The following RYR2 variants were observed in gnomAD, a reference collection of about 807,000 sequenced individuals.
RYR2 encodes the protein cardiac muscle ryanodine receptor-calcium release channel.
A neutral mutation model predicts 601.1 loss-of-function variants in RYR2; 227 were observed. The observed-to-expected ratio is 0.38, with a 90% CI of 0.34 to 0.42. The LOEUF is 0.42. Among genes scored for constraint, RYR2 ranks in the 10% least tolerant of loss-of-function variants. The pLI is 1.00. For missense variants in RYR2, 4,646 were observed against 6,156.5 expected (o/e 0.75, Z 8.21); for synonymous variants, 2,223 against 2,175.1 (o/e 1.02, Z -0.61).
At chr1:237,488,058 A>T (rs537975353) in intron 17 of RYR2, among the ~76,000 whole-genome samples, 1 of 152,144 alleles carries the variant, frequency 6.6e-6, no homozygotes, top group Non-Finnish European at 1.5e-5. Context: ...TACGCTATTT[A>T]CTTCCAAAAT....
At chr1:237,240,800 C>T (rs548687463) in intron 1 of RYR2, among the ~76,000 whole-genome samples, 27 of 151,290 alleles carry the variant, frequency 1.8e-4, no homozygotes, top group Admixed American at 6.6e-4. Context: ...GTACTTTCTT[C>T]CCTTAAATTA....
intron 25 of RYR2, among the ~76,000 whole-genome samples, chr1:237,538,783 T>A (rs12750088): frequency 3.3e-5 from 5 of 151,224 alleles, no homozygotes; most frequent in South Asian, 2.1e-4. Flanking sequence ...TAAAAAAAAT[T>A]AAAAAAAAAT....
intron 34 of RYR2, among the ~76,000 whole-genome samples, chr1:237,598,815 C>T (rs1419518313): frequency 1.3e-5 from 2 of 152,002 alleles, no homozygotes; most frequent in African/African-American, 2.4e-5. Flanking sequence ...GGAACAATAA[C>T]GAAACAGAGA....
intron 57 of RYR2, among the ~76,000 whole-genome samples, chr1:237,666,897 G>A (rs760269037): frequency 1.4e-4 from 21 of 151,664 alleles, no homozygotes; most frequent in Non-Finnish European, 2.8e-4. Context: ...GTGACAGAGT[G>A]AGACTCCCTC....
intron 2 of RYR2, among the ~76,000 whole-genome samples, chr1:237,298,078 C>T (rs572841473): frequency 6.6e-6 from 1 of 152,058 alleles, no homozygotes; most frequent in South Asian, 2.1e-4. Flanking sequence ...AAAAATATTA[C>T]AATGATGCTA....
chr1:237,296,269 G>A (rs1384973921), intron 2 of RYR2, among the ~76,000 whole-genome samples: 2 of 152,184 alleles, frequency 1.3e-5, no homozygotes, highest in African/African-American at 4.8e-5. Flanking sequence ...TTGAAAGCTA[G>A]AACAAGAAGT....
rs1050131660 is a variant in RYR2 at position 237,681,834 on chromosome 1, G to A, written c.9017+1257G>A. Among the ~76,000 whole-genome samples the A allele has an allele frequency of 3.9e-5, 6 of 152,226 alleles. No individual in the cohort carries two copies. The East Asian group carries it at 9.7e-4, about 25-fold the overall frequency. ...ATCCCCCTGTGGATTGTGAGTGCAC[G>A]CAAGTAGCTAGAATATCTCAAGGCA... On this transcript the variant is annotated intron_variant, in intron 62 of 104. Coordinates refer to ENST00000366574, the MANE Select transcript of RYR2 (RefSeq NM_001035.3).
At chr1:237,800,187 C>G (rs1281968135) in intron 97 of RYR2, 1 of 152,130 alleles carries the variant, frequency 6.6e-6, no homozygotes, top group Admixed American at 6.5e-5. Flanking sequence ...TAAGAAACCA[C>G]CATAGGAAAT....
intron 21 of RYR2, among the ~76,000 whole-genome samples, chr1:237,502,873 C>G (rs1664814410): frequency 6.6e-6 from 1 of 151,588 alleles, no homozygotes; most frequent in Non-Finnish European, 1.5e-5. Context: ...GGTTTTTCCC[C>G]TCATTCCTTG....
chr1:237,301,350 ATTGT>A (rs1042734874), intron 2 of RYR2, among the ~76,000 whole-genome samples: 8 of 152,164 alleles, frequency 5.3e-5, no homozygotes, highest in Non-Finnish European at 8.8e-5. Flanking sequence ...GGTTATAAAT[ATTGT>A]TTGTCTTTTT....
At chr1:237,423,376 C>T (rs1705789477) in intron 12 of RYR2, 128 bp downstream of exon 12, 2 of 1,145,308 alleles carry the variant, frequency 1.7e-6, no homozygotes, top group South Asian at 1.6e-5. Context: ...TCTAAATTCC[C>T]AGTTTCTCTT....
intron 1 of RYR2, among the ~76,000 whole-genome samples, chr1:237,044,785 C>G: frequency 6.7e-6 from 1 of 148,604 alleles, no homozygotes; most frequent in Non-Finnish European, 1.5e-5. Flanking sequence ...CCCCACCCCC[C>G]TTTTTTTTCT....
At chr1:237,552,556 A>G (rs1187071419) in intron 27 of RYR2, among the ~76,000 whole-genome samples, 1 of 152,068 alleles carries the variant, frequency 6.6e-6, no homozygotes, top group Non-Finnish European at 1.5e-5. Context: ...ACCACTTTGT[A>G]AGTTCTATCA....
chr1:237,565,840 C>T (rs1160833984), intron 27 of RYR2, among the ~76,000 whole-genome samples: 4 of 152,280 alleles, frequency 2.6e-5, no homozygotes, highest in South Asian at 4.1e-4. Context: ...TTCCCCCTCT[C>T]GTCTCTCTCA....
chr1:237,053,328 A>G (rs796396759), intron 1 of RYR2, among the ~76,000 whole-genome samples: 8 of 152,334 alleles, frequency 5.3e-5, no homozygotes, highest in Non-Finnish European at 8.8e-5. Flanking sequence ...AAAAGCTGAG[A>G]TGAAACGTTT....
At chr1:237,222,197 G>A (rs1022144229) in intron 1 of RYR2, among the ~76,000 whole-genome samples, 26 of 151,974 alleles carry the variant, frequency 1.7e-4, no homozygotes, top group Non-Finnish European at 2.6e-4. Flanking sequence ...GGCGGATCAC[G>A]AGGTCAGGAG....
intron 35 of RYR2, 81 bp downstream of exon 35, chr1:237,602,192 T>C: frequency 9.6e-7 from 1 of 1,044,850 alleles, no homozygotes; most frequent in Non-Finnish European, 1.4e-6. Context: ...ATGAATTCAG[T>C]ATATTAGTAC....
intron 10 of RYR2, among the ~76,000 whole-genome samples, chr1:237,392,836 G>T (rs1173524470): frequency 6.6e-6 from 1 of 152,174 alleles, no homozygotes; most frequent in Non-Finnish European, 1.5e-5. Context: ...AAACAGGTTT[G>T]CAATGTCGAA....
At position 237,787,985 on chromosome 1, in the gene RYR2, T is replaced by C. The variant is rs542440592; in HGVS notation, c.13329-3T>C. The C allele has an allele frequency of 3.2e-5, 51 of 1,584,042 alleles. 1 individual carries two copies. The South Asian group carries it at 5.3e-4, about 16-fold the overall frequency. ...CTTATGTTTTGTTTGTTTGTTTTCA[T>C]AGGGGAGAAGATGGAGAAAAAGAAG... is the stretch of plus-strand genomic sequence containing the variant. On this transcript the variant is annotated splice_polypyrimidine_tract_variant and splice_region_variant and intron_variant, in intron 91 of 104. Coordinates refer to ENST00000366574, the MANE Select transcript of RYR2 (RefSeq NM_001035.3).
Sources: allele counts gnomAD v4.1 joint callset (sites outside exome capture counted in the v4.1 genomes callset), GRCh38; gene constraint gnomAD v4.1.1; transcripts MANE v1.5; gene names NCBI Gene and HGNC (gene_info 2026-07-23, HGNC 2026-07-21).